Variants in SLK observed in about 807,000 individuals in gnomAD.
The protein encoded by SLK is STE20 like kinase.
In SLK, 67 loss-of-function variants were observed where a neutral mutation model predicts 147.7. The observed-to-expected ratio is 0.45, with a 90% CI of 0.37 to 0.56. The LOEUF is 0.56. Ranked by LOEUF, SLK falls within the 20% of genes least tolerant of loss-of-function variation. The pLI, the probability that SLK is intolerant of heterozygous loss-of-function variation, is 0.00. For missense variants in SLK, 1,136 were observed against 1,438.8 expected, an observed-to-expected ratio of 0.79 and a Z score of 3.41; for synonymous variants, 441 against 475.0, an observed-to-expected ratio of 0.93 and a Z score of 0.93.
chr10:103,992,516 T>G, intron 2 of SLK, 82 bp from the exon 3 acceptor site: 1 of 1,261,996 alleles, frequency 7.9e-7, no homozygotes, highest in Non-Finnish European at 1.1e-6. Context: ...TTATCTTTTT[T>G]GCTAAGCTGA....
rs55977639 is a variant in SLK, at chr10:103,999,260, G to A, written c.729G>A (p.Val243=). The stretch of plus-strand genomic sequence containing the variant: ...ATCATGAATTAAATCCAATGCGAGT[G>A]CTGCTAAAAATAGCAAAATCTGAGC... ...PPHHELNPMR[V]LLKIAKSEPP... The change falls in exon 6 of 19, where the codon GTG becomes GTA. Residue 243 remains valine (V), a synonymous_variant. Transcript: ENST00000369755. 24,494 of 1,613,340 alleles carry A rather than the reference G, an allele frequency of 0.015. 359 individuals are homozygous for A. The highest frequency in any genetic ancestry group is 0.052 in the Admixed American group (3,109 of 59,906).
intron 1 of SLK, 78 bp from the exon 2 acceptor site, chr10:103,990,597 C>A: frequency 1.2e-6 from 1 of 831,248 alleles, no homozygotes; most frequent in Non-Finnish European, 1.8e-6. Flanking sequence ...TGAATTAAAA[C>A]TTAAAATCTA....
At chr10:104,017,636 C>T (rs1844481250) in intron 13 of SLK, among the ~76,000 whole-genome samples, 2 of 152,270 alleles carry the variant, frequency 1.3e-5, no homozygotes. Flanking sequence ...CCCGCTACCA[C>T]ATCTGGCTAA....
Position 104,025,616 on chromosome 10 carries a change from G to T in SLK, c.3604G>T (p.Val1202Leu), listed in dbSNP as rs1023059773. ...TGCCAGGAAACTACAGGAACAGGAA[G>T]TATTCTTTAAAATGACTGGGGAGTC... The part of the protein sequence containing the change: ...EFARKLQEQE[V>L]FFKMTGESEC... Residue 1202 changes from valine to leucine, a missense_variant, in exon 19 of 19, where the codon GTA becomes TTA. Coordinates refer to ENST00000369755, the MANE Select transcript of SLK (RefSeq NM_014720.4). 1 of 1,613,792 alleles carries T rather than the reference G, an allele frequency of 6.2e-7. No individual in the cohort carries two copies. Among genetic ancestry groups the T allele is most frequent in the African/African-American group, 1.3e-5 (1 of 74,912 alleles).
chr10:103,991,932 T>C (rs1234095584), intron 2 of SLK, among the ~76,000 whole-genome samples: 1 of 151,826 alleles, frequency 6.6e-6, no homozygotes, highest in African/African-American at 2.4e-5. Flanking sequence ...TATTGCACAA[T>C]AAAAATTTAG....
At chr10:104,009,101 C>CT (rs200648692) in intron 12 of SLK, among the ~76,000 whole-genome samples, 3,581 of 152,144 alleles carry the variant, frequency 0.024, 79 homozygotes, top group South Asian at 0.11. Flanking sequence ...ATATTAGCAT[C>CT]TTTTTTTGTC....
intron 1 of SLK, among the ~76,000 whole-genome samples, chr10:103,970,642 A>G (rs1025491838): frequency 1.3e-5 from 2 of 152,296 alleles, no homozygotes; most frequent in South Asian, 4.1e-4. Flanking sequence ...AAGATTCCAT[A>G]GAAATTGAGG....
chr10:103,992,534 A>G, intron 2 of SLK, 64 bp from the exon 3 acceptor site: 1 of 1,436,226 alleles, frequency 7.0e-7, no homozygotes, highest in Non-Finnish European at 9.3e-7. Flanking sequence ...TGAAGAAAAA[A>G]TACTGAAACT....
At chr10:104,022,006 G>A (rs1844541702) in intron 18 of SLK, among the ~76,000 whole-genome samples, 1 of 152,174 alleles carries the variant, frequency 6.6e-6, no homozygotes, top group African/African-American at 2.4e-5. Flanking sequence ...GCCTGGGTAA[G>A]TCAGGGAGGG....
At chr10:104,004,515 CTTTAGAT>C (rs745830541) in intron 9 of SLK, among the ~76,000 whole-genome samples, 100 of 151,602 alleles carry the variant, frequency 6.6e-4, no homozygotes, top group Non-Finnish European at 1.2e-3. Context: ...AGTCTGCCAA[CTTTAGAT>C]TTTAGAGGAA....
Position 104,010,810 on chromosome 10 carries a change from C to A in SLK, c.2785-6C>A. 6.4e-7 allele frequency: 1 copy of A among 1,565,162 alleles called. No individual in the cohort carries two copies. The highest frequency in any genetic ancestry group is 8.6e-7 in the Non-Finnish European group (1 of 1,159,358). The stretch of plus-strand genomic sequence containing the variant: ...TCCCCACCTCCTGCATGCTTATACA[C>A]TGTAGGTTATAAATGAAGTGGAGAA... On this transcript the variant is annotated splice_polypyrimidine_tract_variant and splice_region_variant and intron_variant, in intron 12 of 18. Coordinates refer to ENST00000369755, the MANE Select transcript of SLK (RefSeq NM_014720.4).
Position 104,005,966 on chromosome 10 carries a change from A to G in SLK, c.2535A>G (p.Gln845=), listed in dbSNP as rs369557083. The G allele has an allele frequency of 3.7e-5, 60 of 1,612,542 alleles. No individual in the cohort carries two copies. Among genetic ancestry groups the G allele is most frequent in the African/African-American group, 5.3e-5 (4 of 74,808 alleles). The part of the protein sequence containing the change: ...RFLQKEEQRA[Q]QQLNSKLQQQ... The stretch of plus-strand genomic sequence containing the variant: ...TTCAGAAAGAAGAGCAAAGAGCCCA[A>G]CAACAGCTCAATAGCAAACTACAGC... The change falls in exon 11 of 19, where the codon CAA becomes CAG. Residue 845 remains glutamine (Q), a synonymous_variant. Transcript: ENST00000369755.
At chr10:103,980,103 A>G (rs1421727689) in intron 1 of SLK, among the ~76,000 whole-genome samples, 2 of 152,194 alleles carry the variant, frequency 1.3e-5, no homozygotes, top group African/African-American at 4.8e-5. Context: ...TGTACTTTAA[A>G]GACCGTCCTT....
At chr10:104,009,531 T>G (rs1177918501) in intron 12 of SLK, among the ~76,000 whole-genome samples, 1 of 152,156 alleles carries the variant, frequency 6.6e-6, no homozygotes, top group Non-Finnish European at 1.5e-5. Flanking sequence ...TTATTACTAT[T>G]TCTGATGTTT....
chr10:104,020,193 T>C (rs1261855207), intron 16 of SLK, among the ~76,000 whole-genome samples: 2 of 152,218 alleles, frequency 1.3e-5, no homozygotes, highest in African/African-American at 4.8e-5. Flanking sequence ...GGGAATGAGA[T>C]GACTCGGACA....
Position 103,967,422 on chromosome 10 carries a change from C to T in SLK, c.-324C>T, listed in dbSNP as rs1843727776. The T allele has an allele frequency of 6.6e-6, 1 of 150,834 alleles. No homozygotes were observed. The highest frequency in any genetic ancestry group is 1.5e-5 in the Non-Finnish European group (1 of 67,636). 9.3% of individuals were successfully genotyped at this position (150,834 alleles called of 1,614,324 possible). A position where few individuals can be genotyped will look rare whatever the true frequency, so the allele number is the denominator to read the frequency against. On this transcript the variant is annotated 5_prime_UTR_variant, in exon 1 of 19. Coordinates refer to ENST00000369755, the MANE Select transcript of SLK (RefSeq NM_014720.4). ...GCCGCCGCCGCGGGAGTCCTGACCG[C>T]TCGGACCCGTCGGATCAGGCCGGGT...
At chr10:104,008,387 A>G (rs752904455) in intron 12 of SLK, 31 bp downstream of exon 12, 2 of 1,510,752 alleles carry the variant, frequency 1.3e-6, no homozygotes, top group East Asian at 2.3e-5. Flanking sequence ...TTAATTACTA[A>G]AGCTTTTTTT....
chr10:103,995,423 C>CTTTTTT (rs756975426), intron 4 of SLK, among the ~76,000 whole-genome samples: 327 of 67,626 alleles, frequency 4.8e-3, no homozygotes, highest in Non-Finnish European at 6.0e-3. Flanking sequence ...TCTTTCTTTT[C>CTTTTTT]TTTTTTTTTT....
intron 17 of SLK, among the ~76,000 whole-genome samples, chr10:104,021,055 A>G (rs1026076519): frequency 1.3e-5 from 2 of 152,154 alleles, no homozygotes; most frequent in African/African-American, 2.4e-5. Context: ...ATATATGGGA[A>G]TTTTTCTCCT....
Sources: allele counts gnomAD v4.1 joint callset (sites outside exome capture counted in the v4.1 genomes callset), GRCh38; gene constraint gnomAD v4.1.1; transcripts MANE v1.5; gene names NCBI Gene and HGNC (gene_info 2026-07-23, HGNC 2026-07-21).